HDLBP: variants seen among roughly 807,000 people sequenced by gnomAD.
The protein encoded by HDLBP is high density lipoprotein binding protein.
In HDLBP, 30 loss-of-function variants were observed where a neutral mutation model predicts 137.3. That is an observed-to-expected ratio of 0.22 (90% CI 0.16 to 0.30). The LOEUF (loss-of-function observed/expected upper bound fraction) is 0.30, where lower values mean the gene tolerates loss of function less well. Ranked by LOEUF, HDLBP falls within the 10% of genes least tolerant of loss-of-function variation. The pLI is 1.00. For missense variants in HDLBP, 1,119 were observed against 1,667.3 expected, an observed-to-expected ratio of 0.67 and a Z score of 5.73; for synonymous variants, 606 against 596.0, an observed-to-expected ratio of 1.02 and a Z score of -0.24.
At chr2:241,315,337 G>C (rs1037651420) in intron 1 of HDLBP, 2 of 152,066 alleles carry the variant, frequency 1.3e-5, no homozygotes, top group African/African-American at 4.8e-5. Flanking sequence ...TCGCGCGGCC[G>C]CTCGCCGTCC....
rs115917324 is a variant in HDLBP at position 241,300,145 on chromosome 2, C to T, written c.-103+15425G>A. Among the ~76,000 whole-genome samples, 933 of 152,156 alleles carry T rather than the reference C, an allele frequency of 6.1e-3. 5 individuals are homozygous for T. The highest frequency in any genetic ancestry group is 0.021 in the African/African-American group (892 of 41,500). On this transcript the variant is annotated intron_variant, in intron 1 of 27. Transcript: ENST00000310931. ...AGAAAGCATCAAGAAAGCCACAGCA[C>T]AACCTAGATATGCACAGCAGCACAT...
intron 1 of HDLBP, among the ~76,000 whole-genome samples, chr2:241,286,394 G>C (rs2074810343): frequency 6.6e-6 from 1 of 152,212 alleles, no homozygotes; most frequent in African/African-American, 2.4e-5. Context: ...TCTGTTCACT[G>C]AGATAAATGC....
At chr2:241,267,835 C>T (rs1039595218) in intron 2 of HDLBP, 7 of 1,442,580 alleles carry the variant, frequency 4.9e-6, no homozygotes, top group South Asian at 1.4e-5. Flanking sequence ...GGACAGAACT[C>T]GCACAGCAGG....
rs547538345 is a variant in HDLBP, at chr2:241,256,177, C to T, written c.873+7G>A. 9.3e-6 allele frequency: 15 copies of T among 1,612,490 alleles called. No individual in the cohort carries two copies. The highest frequency in any genetic ancestry group is 5.0e-5 in the Admixed American group (3 of 60,022). ...CCATGGGGATTTGCCTCCTCTAAAT[C>T]GTGTACCTTCTCCTCATAAATCTTC... On this transcript the variant is annotated splice_region_variant and intron_variant, in intron 7 of 27. Coordinates refer to ENST00000310931, the MANE Select transcript of HDLBP (RefSeq NM_005336.6).
At chr2:241,270,605 T>C (rs933181317) in intron 1 of HDLBP, among the ~76,000 whole-genome samples, 5 of 152,210 alleles carry the variant, frequency 3.3e-5, no homozygotes, top group Non-Finnish European at 5.9e-5. Flanking sequence ...ATTCTCCTTC[T>C]GTGCTCCCAA....
chr2:241,271,599 A>G (rs1473746228), intron 1 of HDLBP, among the ~76,000 whole-genome samples: 1 of 152,238 alleles, frequency 6.6e-6, no homozygotes, highest in Non-Finnish European at 1.5e-5. Context: ...AGTTTTGCCA[A>G]CTACATATTC....
chr2:241,242,918 A>C (rs1310085058), intron 16 of HDLBP: 1 of 545,760 alleles, frequency 1.8e-6, no homozygotes, highest in Non-Finnish European at 3.3e-6. Context: ...GAGGTGTTTA[A>C]CTCAACAGGA....
chr2:241,260,947 T>C (rs1306651718), intron 5 of HDLBP, among the ~76,000 whole-genome samples: 1 of 152,068 alleles, frequency 6.6e-6, no homozygotes, highest in Non-Finnish European at 1.5e-5. Context: ...TTCCAACACT[T>C]TGGTAGGCTG....
chr2:241,305,285 G>A (rs879806626), intron 1 of HDLBP, among the ~76,000 whole-genome samples: 6 of 152,120 alleles, frequency 3.9e-5, no homozygotes, highest in East Asian at 1.9e-4. Flanking sequence ...CACTACACCC[G>A]GCTAATTCTG....
In HDLBP at chr2:241,235,178, C is replaced by A. The variant is rs770247357; in HGVS notation, c.3087G>T (p.Arg1029=). Residue 1029 remains arginine (R), a synonymous_variant, in exon 23 of 28, where the codon CGG becomes CGT. Coordinates refer to ENST00000310931, the MANE Select transcript of HDLBP (RefSeq NM_005336.6). ...AITGLAANLD[R]AKAGLLERVK... is the part of the protein sequence containing the mutation. ...CACGCTCCAGCAGTCCAGCCTTGGC[C>A]CGGTCCAAATTTGCAGCGAGGCCCG... 2 of 1,614,172 alleles carry A rather than the reference C, an allele frequency of 1.2e-6. No homozygotes were observed. Among genetic ancestry groups the A allele is most frequent in the Non-Finnish European group, 1.7e-6 (2 of 1,180,046 alleles).
intron 16 of HDLBP, among the ~76,000 whole-genome samples, chr2:241,246,206 T>C (rs1020604532): frequency 6.7e-6 from 1 of 148,608 alleles, no homozygotes; most frequent in East Asian, 2.0e-4. Flanking sequence ...CACAAAAGCG[T>C]AGACAATCCA....
At chr2:241,294,231 A>ATAAC (rs1265358802) in intron 1 of HDLBP, among the ~76,000 whole-genome samples, 7 of 152,172 alleles carry the variant, frequency 4.6e-5, no homozygotes, top group African/African-American at 1.7e-4. Flanking sequence ...TTAGGGACCA[A>ATAAC]TAACTATAAT....
Position 241,272,921 on chromosome 2 carries a change from G to T in HDLBP, c.-102-4380C>A, listed in dbSNP as rs1020729127. 9 of 727,096 alleles carry T rather than the reference G, an allele frequency of 1.2e-5. No homozygotes were observed. The highest frequency in any genetic ancestry group is 1.3e-4 in the East Asian group (1 of 7,612). 45.0% of individuals were successfully genotyped at this position (727,096 alleles called of 1,614,324 possible). A position where few individuals can be genotyped will look rare whatever the true frequency, so the allele number is the denominator to read the frequency against. On this transcript the variant is annotated intron_variant, in intron 1 of 27. Transcript: ENST00000310931. The surrounding 1 kb of genome is among the most constrained non-coding windows in gnomAD (Gnocchi z 5.6). Reference sequence around the variant, plus strand: ...AGCGCCCGCCCGCCCCGCCGCTGGGGTCCCCGCCGCCCCGGGCCGCCCAGC... The same window carrying T: ...AGCGCCCGCCCGCCCCGCCGCTGGGTTCCCCGCCGCCCCGGGCCGCCCAGC...
At chr2:241,289,672 A>G (rs1007788617) in intron 1 of HDLBP, among the ~76,000 whole-genome samples, 1 of 152,218 alleles carries the variant, frequency 6.6e-6, no homozygotes, top group Non-Finnish European at 1.5e-5. Flanking sequence ...AGATAAAGAC[A>G]GCTTCTCTGC....
At chr2:241,268,387 A>G (rs2073835211) in intron 2 of HDLBP, 90 bp downstream of exon 2, 2 of 816,002 alleles carry the variant, frequency 2.5e-6, no homozygotes, top group Middle Eastern at 6.3e-4. Flanking sequence ...GAAAGAAGGT[A>G]CACACAGGAC....
At position 241,238,069 on chromosome 2, in the gene HDLBP, G is replaced by A. The variant is rs1443019202; in HGVS notation, c.2749+580C>T. On this transcript the variant is annotated intron_variant, in intron 20 of 27. Transcript: ENST00000310931. This position sits in a 1 kb window ranked among gnomAD's most constrained non-coding sequence, Gnocchi z 4.9. ...GGCATCTGATAACACAGAGTGGAGG[G>A]CATACCTTTTGTTTCACAAATGCAG... Among the ~76,000 whole-genome samples the A allele has an allele frequency of 6.6e-6, 1 of 152,236 alleles. No homozygotes were observed. The highest frequency in any genetic ancestry group is 1.5e-5 in the Non-Finnish European group (1 of 68,038).
chr2:241,248,425 G>C (rs1283875678), intron 12 of HDLBP, 77 bp from the exon 13 acceptor site: 1 of 1,173,182 alleles, frequency 8.5e-7, no homozygotes, highest in African/African-American at 1.5e-5. Context: ...GGGGACACCA[G>C]GGAGCCCTGG....
chr2:241,267,741 T>C, intron 2 of HDLBP: 2 of 1,532,372 alleles, frequency 1.3e-6, no homozygotes, highest in South Asian at 1.2e-5. Context: ...CTCAGTGCTT[T>C]GTAGCAACAG....
chr2:241,283,541 C>T lies in HDLBP; in HGVS notation c.-102-15000G>A, dbSNP rs2074692987. ...CCAGGCTGGAGTGCAGTGGCATGATCTCTGCTCAGTGTAACCTCTGCCTCC... is the reference window on the plus strand; with the variant it reads ...CCAGGCTGGAGTGCAGTGGCATGATTTCTGCTCAGTGTAACCTCTGCCTCC... On this transcript the variant is annotated intron_variant, in intron 1 of 27. Transcript: ENST00000310931. 2.0e-5 allele frequency among the ~76,000 whole-genome samples: 3 copies of T among 150,782 alleles called. No individual in the cohort carries two copies. The South Asian group carries it at 6.3e-4, about 32-fold the overall frequency.
Sources: gnomAD v4.1 joint callset for allele counts (sites outside exome capture counted in the v4.1 genomes callset) on GRCh38, gnomAD v4.1.1 for gene constraint, Gnocchi (gnomAD v3.1) non-coding constraint, MANE v1.5 for transcripts, NCBI Gene and HGNC (gene_info 2026-07-23, HGNC 2026-07-21) for gene names.